Variants in SGSM1 observed in about 807,000 individuals in gnomAD.
SGSM1 encodes the protein RUN and TBC1 domain containing 2.
SGSM1 carries 73 observed loss-of-function variants against 133.8 expected under a neutral mutation model. The observed-to-expected ratio is 0.55, with a 90% confidence interval of 0.45 to 0.66. SGSM1 has a LOEUF of 0.66. Among genes scored for constraint, SGSM1 ranks in the 30% least tolerant of loss-of-function variants. The pLI is 0.00. For missense variants in SGSM1, 1,213 were observed against 1,448.1 expected, an observed-to-expected ratio of 0.84 and a Z score of 2.64; for synonymous variants, 563 against 573.0, an observed-to-expected ratio of 0.98 and a Z score of 0.25.
chr22:24,872,103 C>T (rs138543381), intron 12 of SGSM1, among the ~76,000 whole-genome samples: 1 of 152,068 alleles, frequency 6.6e-6, no homozygotes, highest in African/African-American at 2.4e-5. Flanking sequence ...GTCATATGGC[C>T]CACAAAGTTG....
chr22:24,886,260 A>G (rs1203092442), intron 15 of SGSM1, among the ~76,000 whole-genome samples: 2 of 150,982 alleles, frequency 1.3e-5, no homozygotes, highest in Non-Finnish European at 2.9e-5. Flanking sequence ...AATTAGCTGG[A>G]TGTGGTGGCA....
intron 2 of SGSM1, among the ~76,000 whole-genome samples, chr22:24,816,829 A>G (rs1170033383): frequency 6.6e-6 from 1 of 152,132 alleles, no homozygotes; most frequent in Admixed American, 6.5e-5. Flanking sequence ...GGGGAGGTAG[A>G]GTGTTGCCCA....
Position 24,855,272 on chromosome 22 carries a change from A to G in SGSM1, c.524-13A>G, listed in dbSNP as rs1283754962. 4 of 1,605,478 alleles carry G rather than the reference A, an allele frequency of 2.5e-6. No individual in the cohort carries two copies. The highest frequency in any genetic ancestry group is 3.4e-6 in the Non-Finnish European group (4 of 1,175,936). ...CCGGGGCAGTGGGTTTCCAGCCCCC[A>G]CATGCCCCTCAGTGGGGCCCTGTGC... On this transcript the variant is annotated splice_polypyrimidine_tract_variant and intron_variant, in intron 6 of 24. Coordinates refer to ENST00000400358, the MANE Select transcript of SGSM1 (RefSeq NM_001098497.3).
At chr22:24,914,208 G>GTGTGAACCCAGC (rs987932644) in intron 22 of SGSM1, among the ~76,000 whole-genome samples, 3 of 151,382 alleles carry the variant, frequency 2.0e-5, no homozygotes, top group African/African-American at 7.3e-5. Flanking sequence ...CAGGAGAATG[G>GTGTGAACCCAGC]TGTGAACCCA....
intron 20 of SGSM1, among the ~76,000 whole-genome samples, chr22:24,904,004 A>AG (rs1569172829): frequency 7.6e-4 from 73 of 96,652 alleles, no homozygotes; most frequent in Middle Eastern, 6.3e-3. Context: ...AAAAGGAAAA[A>AG]GAAAAAGAAA....
chr22:24,857,071 A>C (rs1278840287), intron 8 of SGSM1, among the ~76,000 whole-genome samples: 1 of 151,690 alleles, frequency 6.6e-6, no homozygotes, highest in Non-Finnish European at 1.5e-5. Context: ...CCCAGCTAAG[A>C]TACACCATTT....
At chr22:24,845,588 T>C (rs1930047453) in intron 3 of SGSM1, among the ~76,000 whole-genome samples, 1 of 152,218 alleles carries the variant, frequency 6.6e-6, no homozygotes, top group Admixed American at 6.5e-5. Flanking sequence ...CCTGAAAATG[T>C]CTTAATTTAA....
intron 17 of SGSM1, 59 bp downstream of exon 17, chr22:24,893,672 T>C (rs1320576622): frequency 5.4e-6 from 8 of 1,472,122 alleles, no homozygotes; most frequent in East Asian, 4.8e-5. Flanking sequence ...GTCTGCTTCA[T>C]TGGGCTGTTC....
In SGSM1 at chr22:24,898,124, A is replaced by C; in HGVS notation, c.2175A>C (p.Ser725=). The C allele has an allele frequency of 6.2e-7, 1 of 1,613,988 alleles. No homozygotes were observed. The highest frequency in any genetic ancestry group is 1.1e-5 in the South Asian group (1 of 91,078). Residue 725 remains serine (S), a synonymous_variant, in exon 19 of 25, where the codon TCA becomes TCC. Coordinates refer to ENST00000400358, the MANE Select transcript of SGSM1 (RefSeq NM_001098497.3). ...PSSHNFSSGL[S]EHSEPSLSTE... is the part of the protein sequence containing the mutation. ...CCCATAACTTCTCCTCGGGCCTCTC[A>C]GAGCACTCAGAGCCCAGTCTGAGCA...
At chr22:24,902,688 T>C (rs1214573818) in intron 20 of SGSM1, among the ~76,000 whole-genome samples, 1 of 151,226 alleles carries the variant, frequency 6.6e-6, no homozygotes, top group African/African-American at 2.4e-5. Flanking sequence ...CCCCATCTCT[T>C]AAAAAGTAAT....
chr22:24,813,170 G>A (rs1396756189), intron 2 of SGSM1, among the ~76,000 whole-genome samples: 1 of 152,162 alleles, frequency 6.6e-6, no homozygotes, highest in Non-Finnish European at 1.5e-5. Context: ...TGTGAGTTGG[G>A]AACAGACCAG....
intron 12 of SGSM1, among the ~76,000 whole-genome samples, chr22:24,874,230 G>C (rs1015917595): frequency 1.3e-5 from 2 of 152,268 alleles, no homozygotes; most frequent in South Asian, 2.1e-4. Flanking sequence ...GACACTCAGC[G>C]CATAGTTGGC....
intron 2 of SGSM1, among the ~76,000 whole-genome samples, chr22:24,824,849 T>A (rs1041235824): frequency 3.9e-5 from 6 of 152,226 alleles, no homozygotes; most frequent in African/African-American, 7.2e-5. Flanking sequence ...GGTCTCACTT[T>A]GTAACGATTT....
At position 24,865,514 on chromosome 22, in the gene SGSM1, G is replaced by A. The variant is rs1297708563; in HGVS notation, c.927-1579G>A. Among the ~76,000 whole-genome samples, 4 of 152,312 alleles carry A rather than the reference G, an allele frequency of 2.6e-5. No homozygotes were observed. The East Asian group carries it at 7.7e-4, about 29-fold the overall frequency. On this transcript the variant is annotated intron_variant, in intron 9 of 24. Coordinates refer to ENST00000400358, the MANE Select transcript of SGSM1 (RefSeq NM_001098497.3). ...CAGTGTGACTTGAGGGTTTCTCTGA[G>A]CCTATCCCACTTTTCTCATTTCACA... is the stretch of plus-strand genomic sequence containing the variant.
chr22:24,872,606 T>C (rs1802844059), intron 12 of SGSM1, among the ~76,000 whole-genome samples: 2 of 152,240 alleles, frequency 1.3e-5, no homozygotes, highest in Non-Finnish European at 2.9e-5. Flanking sequence ...TCTTTTAACC[T>C]TTTAATGTGG....
intron 22 of SGSM1, among the ~76,000 whole-genome samples, chr22:24,917,318 T>A (rs916906595): frequency 6.6e-6 from 1 of 152,224 alleles, no homozygotes; most frequent in African/African-American, 2.4e-5. Context: ...AGGAGCAGTG[T>A]ATGGGGGTTC....
intron 21 of SGSM1, among the ~76,000 whole-genome samples, chr22:24,909,235 G>A (rs541132835): frequency 1.3e-4 from 20 of 152,230 alleles, no homozygotes; most frequent in Admixed American, 5.9e-4. Context: ...GGAAACTGGT[G>A]TCTGGTAACA....
chr22:24,922,011 A>G (rs953618820), intron 24 of SGSM1, among the ~76,000 whole-genome samples: 4 of 151,958 alleles, frequency 2.6e-5, no homozygotes, highest in African/African-American at 9.7e-5. Context: ...AATAATACAT[A>G]TATATCTAAA....
intron 21 of SGSM1, among the ~76,000 whole-genome samples, chr22:24,911,898 C>CA (rs796253168): frequency 3.3e-5 from 5 of 151,814 alleles, no homozygotes; most frequent in African/African-American, 1.2e-4. Context: ...ACTAAAAAGA[C>CA]AAAAAAATTA....
Sources: allele counts gnomAD v4.1 joint callset (sites outside exome capture counted in the v4.1 genomes callset), GRCh38; gene constraint gnomAD v4.1.1; transcripts MANE v1.5; gene names NCBI Gene and HGNC (gene_info 2026-07-23, HGNC 2026-07-21).